Variants in CGNL1 observed in about 807,000 individuals in gnomAD.
CGNL1 encodes cingulin like 1, also known as cingulin-like protein 1.
CGNL1 carries 132 observed loss-of-function variants against 141.2 expected under a neutral mutation model. The observed-to-expected ratio is 0.93, with a 90% CI of 0.81 to 1.08. The LOEUF (loss-of-function observed/expected upper bound fraction) is 1.08. Ranked by LOEUF, CGNL1 falls within the 50% of genes least tolerant of loss-of-function variation. The pLI, the probability that CGNL1 is intolerant of heterozygous loss-of-function variation, is 0.00. For synonymous variants in CGNL1, 690 were observed against 622.1 expected (o/e 1.11, Z -1.63); for missense variants, 1,870 against 1,588.6 (o/e 1.18, Z -3.01).
At chr15:57,519,879 C>T (rs9806311) in intron 10 of CGNL1, among the ~76,000 whole-genome samples, 19,133 of 152,218 alleles carry the variant, frequency 0.13, 1,757 homozygotes, top group East Asian at 0.45. Flanking sequence ...TTCCTTTGGT[C>T]AAACAGGAAC....
At position 57,528,737 on chromosome 15, in the gene CGNL1, G is replaced by C; in HGVS notation, c.3123G>C (p.Thr1041=). The C allele has an allele frequency of 6.2e-7, 1 of 1,614,146 alleles. No homozygotes were observed. Among genetic ancestry groups the C allele is most frequent in the Non-Finnish European group, 8.5e-7 (1 of 1,180,024 alleles). The stretch of plus-strand genomic sequence containing the variant: ...CAAAAAGGCAGCTTCTGGAGCAGAC[G>C]CTGAAGGACCTGGAGTATGAGCTGG... ...ALTKRQLLEQ[T]LKDLEYELEA... Residue 1041 remains threonine, a synonymous_variant, in exon 13 of 19, where the codon ACG becomes ACC. Coordinates refer to ENST00000281282, the MANE Select transcript of CGNL1 (RefSeq NM_032866.5).
chr15:57,452,071 G>A (rs2063328393), intron 5 of CGNL1, 70 bp from the exon 6 acceptor site: 1 of 1,381,362 alleles, frequency 7.2e-7, no homozygotes, highest in African/African-American at 1.5e-5. Flanking sequence ...TGCTTGTTGA[G>A]AAGTAGGCTT....
intron 1 of CGNL1, among the ~76,000 whole-genome samples, chr15:57,390,344 G>A (rs1390665932): frequency 6.6e-6 from 1 of 152,206 alleles, no homozygotes; most frequent in African/African-American, 2.4e-5. Flanking sequence ...GCATAAGAAG[G>A]CAAGCAGAAA....
chr15:57,467,878 T>C (rs776091371), intron 8 of CGNL1, among the ~76,000 whole-genome samples: 11 of 151,906 alleles, frequency 7.2e-5, no homozygotes, highest in Non-Finnish European at 1.3e-4. Flanking sequence ...TTAGTAGAGA[T>C]GGGGTTTCAC....
chr15:57,545,347 G>A (rs555251933), intron 16 of CGNL1, among the ~76,000 whole-genome samples: 5 of 152,364 alleles, frequency 3.3e-5, no homozygotes, highest in African/African-American at 1.2e-4. Flanking sequence ...CTCCGGGCAG[G>A]TCGAGCCATG....
At chr15:57,546,781 C>T (rs1205003235) in intron 18 of CGNL1, among the ~76,000 whole-genome samples, 3 of 152,088 alleles carry the variant, frequency 2.0e-5, no homozygotes, top group Non-Finnish European at 4.4e-5. Context: ...AGGTAAGGTT[C>T]ATGAGATTAG....
intron 8 of CGNL1, among the ~76,000 whole-genome samples, chr15:57,463,351 T>C (rs2063469788): frequency 1.3e-5 from 2 of 152,222 alleles, no homozygotes; most frequent in Non-Finnish European, 2.9e-5. Flanking sequence ...CAGTAGAGAC[T>C]TATGTTACTG....
chr15:57,524,240 A>C (rs563244891), intron 11 of CGNL1, among the ~76,000 whole-genome samples: 17 of 152,290 alleles, frequency 1.1e-4, no homozygotes, highest in African/African-American at 4.1e-4. Flanking sequence ...TCTGACAACA[A>C]CCCTGTAAGG....
At chr15:57,439,826 A>ATC (rs1396108939) in intron 2 of CGNL1, among the ~76,000 whole-genome samples, 15 of 152,254 alleles carry the variant, frequency 9.9e-5, no homozygotes, top group African/African-American at 3.6e-4. Context: ...TCCCATTGTG[A>ATC]TCTCTCTGTA....
At chr15:57,381,553 C>A (rs1284882210) in intron 1 of CGNL1, among the ~76,000 whole-genome samples, 14 of 151,950 alleles carry the variant, frequency 9.2e-5, no homozygotes, top group Admixed American at 9.2e-4. Context: ...AGAGTGAGAC[C>A]CTGTCTTAAA....
At chr15:57,443,516 G>A (rs1038785972) in intron 4 of CGNL1, among the ~76,000 whole-genome samples, 5 of 151,534 alleles carry the variant, frequency 3.3e-5, no homozygotes, top group African/African-American at 1.2e-4. Flanking sequence ...CTTGGGAAGC[G>A]TACATACAGG....
At position 57,428,182 on chromosome 15, in the gene CGNL1, G is replaced by A. The variant is rs369554570; in HGVS notation, c.-15-9803G>A. On this transcript the variant is annotated intron_variant, in intron 1 of 18. Coordinates refer to ENST00000281282, the MANE Select transcript of CGNL1 (RefSeq NM_032866.5). ...TGTCTTGGTGGCACACCAGTGCCGC[G>A]GGACATGGTGACATGCTGTGGTCCA... Among the ~76,000 whole-genome samples, 112 of 152,310 alleles carry A rather than the reference G, an allele frequency of 7.4e-4. 2 individuals carry two copies. The South Asian group carries it at 0.021, about 29-fold the overall frequency.
chr15:57,479,069 C>T (rs1829036082), intron 8 of CGNL1, among the ~76,000 whole-genome samples: 1 of 152,240 alleles, frequency 6.6e-6, no homozygotes, highest in Non-Finnish European at 1.5e-5. Context: ...CTCCTTCCCC[C>T]AGCTCTCCAG....
intron 8 of CGNL1, among the ~76,000 whole-genome samples, chr15:57,463,971 A>ATTC (rs1350351852): frequency 6.6e-6 from 1 of 151,986 alleles, no homozygotes; most frequent in African/African-American, 2.4e-5. Context: ...AACCCTGGCC[A>ATTC]TTCTTCTACT....
intron 12 of CGNL1, 100 bp from the exon 13 acceptor site, chr15:57,528,554 C>T (rs2031757840): frequency 2.5e-6 from 3 of 1,211,814 alleles, no homozygotes; most frequent in Admixed American, 4.1e-5. Flanking sequence ...GGGAGTCCAG[C>T]TGATCTTCCT....
chr15:57,450,043 A>G (rs1322711059), intron 4 of CGNL1, among the ~76,000 whole-genome samples: 2 of 152,362 alleles, frequency 1.3e-5, no homozygotes, highest in South Asian at 2.1e-4. Context: ...TTGTGTGGAC[A>G]TGAGACTTCA....
chr15:57,436,517 A>G (rs1247068358), intron 1 of CGNL1, among the ~76,000 whole-genome samples: 1 of 151,780 alleles, frequency 6.6e-6, no homozygotes, highest in Non-Finnish European at 1.5e-5. Context: ...TCTCTGGGGA[A>G]AAGTTCCTGT....
rs760127892 is a variant in CGNL1 at position 57,516,963 on chromosome 15, A to T, written c.2587A>T (p.Lys863Ter). The T allele has an allele frequency of 1.9e-6, 3 of 1,613,526 alleles. No homozygotes were observed. The African/African-American group carries it at 4.0e-5, about 22-fold the overall frequency. The change falls in exon 9 of 19, where the codon AAG (lysine) becomes TAG (stop). Residue 863 changes from lysine (K) to a stop codon, truncating the protein, a stop_gained. Coordinates refer to ENST00000281282, the MANE Select transcript of CGNL1 (RefSeq NM_032866.5). LOFTEE classifies it high-confidence loss of function. ...CCTGAAAGGCGATGAAGCCAAGGCG[A>T]AGGAAACGCTGAAGAAGTACGAGGT... ...EDLKGDEAKA[K>*]ETLKKYEGEI...
rs116173480 is a variant in CGNL1 at position 57,390,914 on chromosome 15, G to A, written c.-16+14347G>A. The stretch of plus-strand genomic sequence containing the variant: ...CTGAGAGGGCAAAGAGGACAAAGAA[G>A]GACCACAGTGTTGAAGGAGGCCAGG... On this transcript the variant is annotated intron_variant, in intron 1 of 18. Coordinates refer to ENST00000281282, the MANE Select transcript of CGNL1 (RefSeq NM_032866.5). 5.3e-3 allele frequency among the ~76,000 whole-genome samples: 801 copies of A among 152,150 alleles called. 8 individuals carry two copies. The highest frequency in any genetic ancestry group is 0.018 in the African/African-American group (758 of 41,508).
Sources: allele counts gnomAD v4.1 joint callset (sites outside exome capture counted in the v4.1 genomes callset), GRCh38; gene constraint gnomAD v4.1.1; transcripts MANE v1.5; gene names NCBI Gene and HGNC (gene_info 2026-07-23, HGNC 2026-07-21).